ATXN7L2: variants seen among roughly 807,000 people sequenced by gnomAD.
The protein encoded by ATXN7L2 is ataxin 7 like 2.
Under a neutral mutation model 59.6 loss-of-function variants are expected in ATXN7L2, and 17 were observed. The ratio of observed to expected loss-of-function variants is 0.29; its 90% CI spans 0.20 to 0.43. The LOEUF (loss-of-function observed/expected upper bound fraction) is 0.43. ATXN7L2 is among the 20% of genes least tolerant of loss of function. ATXN7L2 has a pLI of 1.00. For synonymous variants in ATXN7L2, 378 were observed against 392.5 expected (o/e 0.96, Z 0.44); for missense variants, 858 against 1,008.9 (o/e 0.85, Z 2.03).
Position 109,486,463 on chromosome 1 carries a change from C to T in ATXN7L2, c.194-43C>T, listed in dbSNP as rs748685187. The T allele has an allele frequency of 1.3e-6, 2 of 1,539,938 alleles. No individual in the cohort carries two copies. The highest frequency in any genetic ancestry group is 2.7e-5 in the African/African-American group (2 of 73,250). Reference sequence around the variant, plus strand: ...TGCTCTCCGATCTTCCAGAGAAACCCTGGGATCTTCAGCCCCAGTGACATG... The same window carrying T: ...TGCTCTCCGATCTTCCAGAGAAACCTTGGGATCTTCAGCCCCAGTGACATG... On this transcript the variant is annotated intron_variant, in intron 2 of 10. Coordinates refer to ENST00000683729, the MANE Select transcript of ATXN7L2 (RefSeq NM_001350175.2). The surrounding 1 kb of genome is among the most constrained non-coding windows in gnomAD (Gnocchi z 4.3).
At chr1:109,485,224 T>G in intron 1 of ATXN7L2, 1 of 925,198 alleles carries the variant, frequency 1.1e-6, no homozygotes, top group Non-Finnish European at 1.2e-6. Flanking sequence ...ATTTTTTTTT[T>G]CCCAAGGGAC....
In ATXN7L2 at chr1:109,489,964, G is replaced by A. The variant is rs1656906935; in HGVS notation, c.1168G>A (p.Glu390Lys). 6.2e-7 allele frequency: 1 copy of A among 1,613,768 alleles called. No individual in the cohort carries two copies. Among genetic ancestry groups the A allele is most frequent in the East Asian group, 2.2e-5 (1 of 44,864 alleles). Residue 390 changes from glutamate to lysine, a missense_variant, in exon 8 of 11, where the codon GAA becomes AAA. This residue lies in a region of ATXN7L2 where 734 missense variants were observed against 862.3 expected (regional missense o/e 0.85). Coordinates refer to ENST00000683729, the MANE Select transcript of ATXN7L2 (RefSeq NM_001350175.2). ...CTCCTCCGAGAGTGAATTGGATGAT[G>A]AAGGCCCCTGTGGTGGTGATGGGGA... Reference protein sequence around the residue: ...RASSESELDDEGPCGGDGDPG... With the variant: ...RASSESELDDKGPCGGDGDPG...
Position 109,483,958 on chromosome 1 carries a change from C to T in ATXN7L2, c.5C>T (p.Ala2Val). The T allele has an allele frequency of 1.6e-6, 2 of 1,288,734 alleles. No individual in the cohort carries two copies. Among genetic ancestry groups the T allele is most frequent in the East Asian group, 3.0e-5 (1 of 32,802 alleles). The allele number at this position is 1,288,734 out of a possible 1,614,324, so 79.8% of individuals were successfully genotyped here. The part of the protein sequence containing the change: M[A>V]VRERAAAAMA... ...GGGCGCGCGTCCGCGGCGGTGATGG[C>T]GGTGCGTGAACGCGCGGCGGCAGCA... The change falls in exon 1 of 11, where the codon GCG becomes GTG. Residue 2 changes from alanine (A) to valine (V), a missense_variant. This residue lies in a region of ATXN7L2 where 95 missense variants were observed against 82.6 expected (regional missense o/e 1.15). Coordinates refer to ENST00000683729, the MANE Select transcript of ATXN7L2 (RefSeq NM_001350175.2).
In ATXN7L2 at chr1:109,489,052, C is replaced by T; in HGVS notation, c.1085C>T (p.Thr362Ile). 1 of 1,614,146 alleles carries T rather than the reference C, an allele frequency of 6.2e-7. No individual in the cohort carries two copies. Among genetic ancestry groups the T allele is most frequent in the Non-Finnish European group, 8.5e-7 (1 of 1,180,008 alleles). Residue 362 changes from threonine to isoleucine, a missense_variant, in exon 7 of 11, where the codon ACC becomes ATC. Thr to Ile is a moderately conservative substitution (Grantham distance 89, BLOSUM62 -1). This residue lies in a region of ATXN7L2 where 734 missense variants were observed against 862.3 expected (regional missense o/e 0.85). Coordinates refer to ENST00000683729, the MANE Select transcript of ATXN7L2 (RefSeq NM_001350175.2). ...GCAGCGGTGGCTGCTCCCAGCAGCA[C>T]CTTCTCTGTTCGTGCCAAGCAGACC... ...VVAAVAAPSS[T>I]FSVRAKQTYP...
rs1415482762 is a variant in ATXN7L2 at position 109,490,405 on chromosome 1, G to A, written c.1454+13G>A. ...CACACATGTGGAAGTAAGTCTCTCG[G>A]ACCCAGAATGGAAGTTCTAGAATGG... On this transcript the variant is annotated intron_variant, in intron 9 of 10. Transcript: ENST00000683729. The A allele has an allele frequency of 6.2e-7, 1 of 1,610,244 alleles. No individual in the cohort carries two copies. Among genetic ancestry groups the A allele is most frequent in the Non-Finnish European group, 8.5e-7 (1 of 1,179,466 alleles).
Position 109,490,197 on chromosome 1 carries a change from G to A in ATXN7L2, c.1332+69G>A, listed in dbSNP as rs1656933924. 7.6e-6 allele frequency: 12 copies of A among 1,584,952 alleles called. No homozygotes were observed. In the South Asian group the frequency reaches 1.3e-4, roughly 17 times the overall value. ...CTCCTGGCCAACAACATGGGGAGGA[G>A]GCCAGATCCTGTGTGCAGATGCTGT... On this transcript the variant is annotated intron_variant, in intron 8 of 10. Transcript: ENST00000683729.
rs865958554 is a variant in ATXN7L2, at chr1:109,489,005, C to T, written c.1038C>T (p.Leu346=). Residue 346 remains leucine (L), a synonymous_variant, in exon 7 of 11, where the codon CTC becomes CTT. Coordinates refer to ENST00000683729, the MANE Select transcript of ATXN7L2 (RefSeq NM_001350175.2). The part of the protein sequence containing the change: ...EQVLERPSQE[L]PSSVQVVAAV... ...TTCTCGAGCGCCCCTCCCAGGAGCT[C>T]CCCTCCTCAGTCCAGGTTGTAGCAG... The T allele has an allele frequency of 3.1e-6, 5 of 1,614,160 alleles. No individual in the cohort carries two copies. Among genetic ancestry groups the T allele is most frequent in the Non-Finnish European group, 4.2e-6 (5 of 1,180,012 alleles).
intron 8 of ATXN7L2, 69 bp downstream of exon 8, chr1:109,490,197 G>C: frequency 6.3e-7 from 1 of 1,585,070 alleles, no homozygotes; most frequent in Non-Finnish European, 8.6e-7. Flanking sequence ...ATGGGGAGGA[G>C]GCCAGATCCT....
rs151133348 is a variant in ATXN7L2 at position 109,491,477 on chromosome 1, A to G, written c.2010A>G (p.Thr670=). The change falls in exon 10 of 11, where the codon ACA becomes ACG. Residue 670 remains threonine (T), a synonymous_variant. Transcript: ENST00000683729. This position sits in a 1 kb window ranked among gnomAD's most constrained non-coding sequence, Gnocchi z 4.1. ...GTGGCTCCCCTCATCAGCTCCCCAC[A>G]CCAGTCAAGGCTTCTCAGCTGGAGA... ...DCRGSPHQLP[T]PVKASQLENR... 3.7e-6 allele frequency: 6 copies of G among 1,613,850 alleles called. No individual in the cohort carries two copies. In the African/African-American group the frequency reaches 6.7e-5, roughly 18 times the overall value.
chr1:109,487,689 A>C lies in ATXN7L2; in HGVS notation c.681A>C (p.Arg227Ser), dbSNP rs78926405. 785 of 1,613,470 alleles carry C rather than the reference A, an allele frequency of 4.9e-4. 8 individuals are homozygous for C. The African/African-American group carries it at 9.3e-3, about 19-fold the overall frequency. ...MAPPSKEPPG[R>S]ENIEIIPSEG... ...CCCCTTCTAAAGAACCTCCTGGCAGAGAGAACATCGAGATCATCCCCAGTG... is the reference window on the plus strand; with the variant it reads ...CCCCTTCTAAAGAACCTCCTGGCAGCGAGAACATCGAGATCATCCCCAGTG... The change falls in exon 5 of 11, where the codon AGA becomes AGC. Residue 227 changes from arginine (R) to serine (S), a missense_variant. Arg to Ser is a moderately radical substitution (Grantham distance 110, BLOSUM62 -1). Transcript: ENST00000683729.
intron 9 of ATXN7L2, 147 bp downstream of exon 9, chr1:109,490,539 A>T: frequency 8.0e-7 from 1 of 1,250,018 alleles, no homozygotes; most frequent in Non-Finnish European, 1.1e-6. Context: ...AGGGAGTAGC[A>T]TGAAAAGGAG....
In ATXN7L2 at chr1:109,492,623, A is replaced by G. The variant is rs762782438; in HGVS notation, c.*23A>G. 8 of 1,612,858 alleles carry G rather than the reference A, an allele frequency of 5.0e-6. No homozygotes were observed. In the African/African-American group the frequency reaches 9.3e-5, roughly 19 times the overall value. On this transcript the variant is annotated 3_prime_UTR_variant, in exon 11 of 11. Transcript: ENST00000683729. ...TAACGAGAAAGTGCCTGCCCACTGC[A>G]ACGGAGCCGCCAGCACCTCCTCCCC...
intron 4 of ATXN7L2, 79 bp downstream of exon 4, chr1:109,487,296 T>C: frequency 4.4e-6 from 6 of 1,353,046 alleles, no homozygotes; most frequent in Non-Finnish European, 5.9e-6. Flanking sequence ...CAGACAGCCC[T>C]GGGTCAAGGC....
At position 109,486,903 on chromosome 1, in the gene ATXN7L2, T is replaced by C; in HGVS notation, c.299-104T>C. On this transcript the variant is annotated intron_variant, in intron 3 of 10. Transcript: ENST00000683729. The surrounding 1 kb of genome is among the most constrained non-coding windows in gnomAD (Gnocchi z 4.3). ...GGAGGCATGTTTACAATCTAATTTA[T>C]GGAAACTCAGATTCTCTCATGTGAG... The C allele has an allele frequency of 9.1e-7, 1 of 1,102,572 alleles. No homozygotes were observed. The highest frequency in any genetic ancestry group is 1.8e-5 in the South Asian group (1 of 55,952). 68.3% of individuals were successfully genotyped at this position (1,102,572 alleles called of 1,614,324 possible).
At position 109,486,891 on chromosome 1, in the gene ATXN7L2, C is replaced by A; in HGVS notation, c.299-116C>A. On this transcript the variant is annotated intron_variant, in intron 3 of 10. Transcript: ENST00000683729. This position sits in a 1 kb window ranked among gnomAD's most constrained non-coding sequence, Gnocchi z 4.3. ...TTCAAATGGGAAGGAGGCATGTTTA[C>A]AATCTAATTTATGGAAACTCAGATT... is the stretch of plus-strand genomic sequence containing the variant. 1 of 1,024,866 alleles carries A rather than the reference C, an allele frequency of 9.8e-7. No individual in the cohort carries two copies. The highest frequency in any genetic ancestry group is 2.7e-5 in the East Asian group (1 of 36,452). The allele number at this position is 1,024,866 out of a possible 1,614,324, so 63.5% of individuals were successfully genotyped here. A position where few individuals can be genotyped will look rare whatever the true frequency, so the allele number is the denominator to read the frequency against.
At position 109,487,497 on chromosome 1, in the gene ATXN7L2, A is replaced by G. The variant is rs1047709889; in HGVS notation, c.510-21A>G. On this transcript the variant is annotated intron_variant, in intron 4 of 10. Coordinates refer to ENST00000683729, the MANE Select transcript of ATXN7L2 (RefSeq NM_001350175.2). ...CGCCTCCCCTCCCCTCCCTCAGCCA[A>G]CCCCCTCTCTCTGTGTGTAGCCTTT... 6.8e-6 allele frequency: 10 copies of G among 1,476,016 alleles called. No homozygotes were observed. In the African/African-American group the frequency reaches 1.4e-4, roughly 21 times the overall value. The allele number at this position is 1,476,016 out of a possible 1,614,324, so 91.4% of individuals were successfully genotyped here. A position where few individuals can be genotyped will look rare whatever the true frequency, so the allele number is the denominator to read the frequency against.
chr1:109,492,477 C>A, intron 10 of ATXN7L2, 109 bp from the exon 11 acceptor site: 1 of 1,450,196 alleles, frequency 6.9e-7, no homozygotes, highest in Non-Finnish European at 9.5e-7. Flanking sequence ...CTCACCAGGC[C>A]AGCAGAAGGA....
At position 109,491,594 on chromosome 1, in the gene ATXN7L2, T is replaced by C; in HGVS notation, c.2127T>C (p.Thr709=). The C allele has an allele frequency of 6.2e-7, 1 of 1,613,838 alleles. No homozygotes were observed. Among genetic ancestry groups the C allele is most frequent in the Non-Finnish European group, 8.5e-7 (1 of 1,179,994 alleles). The change falls in exon 10 of 11, where the codon ACT becomes ACC. Residue 709 remains threonine, a synonymous_variant. Transcript: ENST00000683729. The surrounding 1 kb of genome is among the most constrained non-coding windows in gnomAD (Gnocchi z 4.1). ...CCAAGAAGCGGAAAAACCTGGCCAC[T>C]TATTGCCGGCCAGTGAAGGCCAAGC... ...EVAKKRKNLA[T]YCRPVKAKHC...
chr1:109,492,022 T>C (rs1175765258), intron 10 of ATXN7L2: 1 of 1,166,458 alleles, frequency 8.6e-7, no homozygotes, highest in East Asian at 4.2e-5. Context: ...TGACCCTCAT[T>C]CCAGGTACTG....
Sources: gnomAD v4.1 joint callset for allele counts on GRCh38, gnomAD v4.1.1 for gene constraint, gnomAD v4.1.1 regional missense constraint, Gnocchi (gnomAD v3.1) non-coding constraint, MANE v1.5 for transcripts, NCBI Gene and HGNC (gene_info 2026-07-23, HGNC 2026-07-21) for gene names.